INPP4B: variants seen among roughly 807,000 people sequenced by gnomAD.
INPP4B encodes the protein inositol polyphosphate-4-phosphatase type II B, also known as inositol polyphosphate 4-phosphatase type II.
A neutral mutation model predicts 122.5 loss-of-function variants in INPP4B; 55 were observed. The observed-to-expected ratio is 0.45, with a 90% CI of 0.36 to 0.56. The LOEUF is 0.56. Among genes scored for constraint, INPP4B ranks in the 20% least tolerant of loss-of-function variants. INPP4B has a pLI of 0.00. For synonymous variants in INPP4B, 403 were observed against 388.7 expected, an observed-to-expected ratio of 1.04 and a Z score of -0.43; for missense variants, 1,000 against 1,097.7, an observed-to-expected ratio of 0.91 and a Z score of 1.26.
intron 25 of INPP4B, among the ~76,000 whole-genome samples, chr4:142,042,518 G>A (rs1340586174): frequency 1.9e-4 from 8 of 42,798 alleles, no homozygotes; most frequent in African/African-American, 4.4e-4. Context: ...ATGTGTGTGT[G>A]TATGTATGTA....
At chr4:142,207,941 T>TTAA (rs1843241164) in intron 14 of INPP4B, among the ~76,000 whole-genome samples, 1 of 152,112 alleles carries the variant, frequency 6.6e-6, no homozygotes, top group Non-Finnish European at 1.5e-5. Context: ...ACTGAGTACA[T>TTAA]TTAAATACTC....
At chr4:142,099,204 T>A (rs1397875896) in intron 23 of INPP4B, among the ~76,000 whole-genome samples, 1 of 152,134 alleles carries the variant, frequency 6.6e-6, no homozygotes, top group Non-Finnish European at 1.5e-5. Context: ...AAAATTTTAA[T>A]TCCACTTTTA....
chr4:142,527,459 C>G (rs1352832504), intron 2 of INPP4B, among the ~76,000 whole-genome samples: 1 of 152,060 alleles, frequency 6.6e-6, no homozygotes, highest in African/African-American at 2.4e-5. Context: ...AGAGTCAAAA[C>G]TGTTCTTCGA....
chr4:142,772,665 C>T lies in INPP4B; in HGVS notation c.-253-46764G>A, dbSNP rs377279103. On this transcript the variant is annotated intron_variant, in intron 1 of 25. Transcript: ENST00000262992. ...CCTAAGGTCTACATAGGGAAATTGA[C>T]ATGTAAAGAAATAATAAAAGTGGCT... Among the ~76,000 whole-genome samples the T allele has an allele frequency of 6.6e-5, 10 of 152,236 alleles. No homozygotes were observed. The East Asian group carries it at 7.7e-4, about 12-fold the overall frequency.
At chr4:142,773,356 G>C (rs1323965758) in intron 1 of INPP4B, among the ~76,000 whole-genome samples, 1 of 152,056 alleles carries the variant, frequency 6.6e-6, no homozygotes, top group Non-Finnish European at 1.5e-5. Flanking sequence ...AACAATTACA[G>C]AGCTTATAAA....
At chr4:142,136,957 G>A (rs563266064) in intron 18 of INPP4B, among the ~76,000 whole-genome samples, 11 of 152,226 alleles carry the variant, frequency 7.2e-5, no homozygotes, top group African/African-American at 2.6e-4. Context: ...TGGCCATACT[G>A]CCCAAGGTAA....
At chr4:142,619,870 C>T (rs1437303966) in intron 2 of INPP4B, among the ~76,000 whole-genome samples, 1 of 151,908 alleles carries the variant, frequency 6.6e-6, no homozygotes, top group Non-Finnish European at 1.5e-5. Flanking sequence ...GTTTATTTTG[C>T]CACAAAGTAA....
At chr4:142,643,359 A>C (rs538100039) in intron 2 of INPP4B, among the ~76,000 whole-genome samples, 16 of 152,332 alleles carry the variant, frequency 1.1e-4, no homozygotes, top group African/African-American at 3.8e-4. Context: ...TGCTGTATAA[A>C]GTGATTTAGG....
intron 1 of INPP4B, among the ~76,000 whole-genome samples, chr4:142,832,464 A>G (rs894901593): frequency 2.0e-5 from 3 of 152,196 alleles, no homozygotes; most frequent in African/African-American, 7.2e-5. Flanking sequence ...TAAAGAGGAG[A>G]CAAATGGCAA....
At chr4:142,734,008 C>T (rs1766464233) in intron 1 of INPP4B, among the ~76,000 whole-genome samples, 1 of 152,038 alleles carries the variant, frequency 6.6e-6, no homozygotes, top group African/African-American at 2.4e-5. Context: ...TATAGGAAAA[C>T]ATTCTGTTAT....
rs1477120036 is a variant in INPP4B, at chr4:142,644,620, G to C, written c.-191+81219C>G. Among the ~76,000 whole-genome samples the C allele has an allele frequency of 2.6e-5, 4 of 151,684 alleles. 1 individual carries two copies. The highest frequency in any genetic ancestry group is 2.6e-4 in the Admixed American group (4 of 15,208). On this transcript the variant is annotated intron_variant, in intron 2 of 25. Transcript: ENST00000262992. ...CTGAATTTAAAGAGCAAAGAGGACA[G>C]GTGCAGCAGCTCATGCCTGTAATCC...
intron 14 of INPP4B, among the ~76,000 whole-genome samples, chr4:142,196,085 TCTC>T (rs1316240613): frequency 6.6e-6 from 1 of 152,186 alleles, no homozygotes; most frequent in Non-Finnish European, 1.5e-5. Flanking sequence ...GTTTGAATAG[TCTC>T]CTCCTCTCAT....
At chr4:142,674,775 A>G (rs12163905) in intron 2 of INPP4B, among the ~76,000 whole-genome samples, 117,843 of 151,952 alleles carry the variant, frequency 0.78, 46,415 homozygotes, top group East Asian at 0.85. Context: ...ATGACTACTG[A>G]GTAAATAACA....
chr4:142,375,721 C>G (rs1791591558), intron 7 of INPP4B, among the ~76,000 whole-genome samples: 1 of 151,916 alleles, frequency 6.6e-6, no homozygotes, highest in Non-Finnish European at 1.5e-5. Flanking sequence ...GGCCTTAGAA[C>G]TTTTGCATTT....
intron 25 of INPP4B, among the ~76,000 whole-genome samples, chr4:142,031,899 T>C (rs1465886253): frequency 6.6e-6 from 1 of 152,164 alleles, no homozygotes; most frequent in Non-Finnish European, 1.5e-5. Context: ...ATACATCAGA[T>C]AGAGATTTCA....
chr4:142,271,834 T>C (rs1375241080), intron 9 of INPP4B, among the ~76,000 whole-genome samples: 1 of 152,190 alleles, frequency 6.6e-6, no homozygotes, highest in Non-Finnish European at 1.5e-5. Context: ...AGCATAAAAA[T>C]TTTATGTTTG....
At chr4:142,827,391 A>G (rs979370472) in intron 1 of INPP4B, among the ~76,000 whole-genome samples, 3 of 152,196 alleles carry the variant, frequency 2.0e-5, no homozygotes, top group Admixed American at 6.5e-5. Flanking sequence ...CCAACTTAAC[A>G]AAGTCACACA....
In INPP4B at chr4:142,434,101, C is replaced by T. The variant is rs575405343; in HGVS notation, c.-126-2716G>A. Among the ~76,000 whole-genome samples the T allele has an allele frequency of 8.8e-4, 134 of 152,126 alleles. 1 individual carries two copies. The highest frequency in any genetic ancestry group is 1.5e-3 in the Non-Finnish European group (104 of 68,000). Reference sequence around the variant, plus strand: ...TCACAATCATCTATAGAGACCGAGACGTGATATTTTTTAGTCCAGTGTAAA... The same window carrying T: ...TCACAATCATCTATAGAGACCGAGATGTGATATTTTTTAGTCCAGTGTAAA... On this transcript the variant is annotated intron_variant, in intron 3 of 25. Coordinates refer to ENST00000262992, the MANE Select transcript of INPP4B (RefSeq NM_001101669.3).
intron 1 of INPP4B, among the ~76,000 whole-genome samples, chr4:142,790,988 AC>A (rs1192965634): frequency 2.6e-5 from 4 of 152,124 alleles, no homozygotes; most frequent in Non-Finnish European, 5.9e-5. Context: ...ACATTTAAGA[AC>A]TTCTAATTAA....
Sources: allele counts gnomAD v4.1 joint callset (sites outside exome capture counted in the v4.1 genomes callset), GRCh38; gene constraint gnomAD v4.1.1; transcripts MANE v1.5; gene names NCBI Gene and HGNC (gene_info 2026-07-23, HGNC 2026-07-21).